Variants in SPRYD4 observed in about 807,000 individuals in gnomAD.
SPRYD4 encodes SPRY domain-containing protein 4.
SPRYD4 carries 12 observed loss-of-function variants against 16.6 expected under a neutral mutation model. That is an observed-to-expected ratio of 0.72 (90% CI 0.46 to 1.17). The LOEUF is 1.17. SPRYD4 is among the 50% of genes most tolerant of loss of function. SPRYD4 has a pLI of 0.00. For synonymous variants in SPRYD4, 98 were observed against 105.4 expected (o/e 0.93, Z 0.43); for missense variants, 260 against 260.2 (o/e 1.00, Z 0.00).
In SPRYD4 at chr12:56,474,986, G is replaced by A. The variant is rs1400810793; in HGVS notation, c.*5409G>A. ...TCAGCTGAAGCCCCCAACCCCTACT[G>A]CCCTTCCACTAGCAGCAGAATTCCC... On this transcript the variant is annotated 3_prime_UTR_variant, in exon 2 of 2. Transcript: ENST00000338146. 1 of 1,613,592 alleles carries A rather than the reference G, an allele frequency of 6.2e-7. No homozygotes were observed. The highest frequency in any genetic ancestry group is 8.5e-7 in the Non-Finnish European group (1 of 1,179,918).
In SPRYD4 at chr12:56,469,426, A is replaced by G; in HGVS notation, c.473A>G (p.Glu158Gly). The G allele has an allele frequency of 6.2e-7, 1 of 1,613,862 alleles. No homozygotes were observed. Among genetic ancestry groups the G allele is most frequent in the Admixed American group, 1.7e-5 (1 of 59,996 alleles). Residue 158 changes from glutamate (E) to glycine (G), a missense_variant, in exon 2 of 2, where the codon GAG (glutamate) becomes GGG (glycine). Coordinates refer to ENST00000338146, the MANE Select transcript of SPRYD4 (RefSeq NM_207344.4). ...PEKVGLLLEY[E>G]AQKLSLVDVS... ...AAGGTGGGGCTGTTGCTGGAGTATG[A>G]GGCCCAGAAGCTGAGCCTGGTGGAT...
rs1869597413 is a variant in SPRYD4, at chr12:56,474,353, A to C, written c.*4776A>C. On this transcript the variant is annotated 3_prime_UTR_variant, in exon 2 of 2. Transcript: ENST00000338146. ...ATCCACCTGCCTCGGCCTCCCAAAG[A>C]CATCTCTTTATATATTCGAGGAACT... 3.0e-6 allele frequency: 2 copies of C among 673,774 alleles called. No homozygotes were observed. The highest frequency in any genetic ancestry group is 3.6e-5 in the African/African-American group (2 of 55,074). The allele number at this position is 673,774 out of a possible 1,614,324, so 41.7% of individuals were successfully genotyped here.
chr12:56,472,525 T>TGTA lies in SPRYD4; in HGVS notation c.*2948_*2949insGTA. The stretch of plus-strand genomic sequence containing the variant: ...AATTATCATAGAGCAGACAGTTTAC[T>TGTA]TTTTTTAAAAAAAATCTCCTTTTTT... On this transcript the variant is annotated 3_prime_UTR_variant, in exon 2 of 2. Transcript: ENST00000338146. The TGTA allele has an allele frequency of 4.6e-6, 3 of 650,490 alleles. No homozygotes were observed. The South Asian group carries it at 5.9e-5, about 13-fold the overall frequency. 40.3% of individuals were successfully genotyped at this position (650,490 alleles called of 1,614,324 possible).
In SPRYD4 at chr12:56,475,152, G is replaced by C; in HGVS notation, c.*5575G>C. The stretch of plus-strand genomic sequence containing the variant: ...ATTTAGTACTTGAAGTTGGAGGAGT[G>C]GGTGTTGGGAGAAGGGGAAAAATTA... On this transcript the variant is annotated 3_prime_UTR_variant, in exon 2 of 2. Coordinates refer to ENST00000338146, the MANE Select transcript of SPRYD4 (RefSeq NM_207344.4). The C allele has an allele frequency of 1.2e-6, 2 of 1,612,696 alleles. No individual in the cohort carries two copies. Among genetic ancestry groups the C allele is most frequent in the South Asian group, 2.2e-5 (2 of 91,082 alleles).
In SPRYD4 at chr12:56,469,463, C is replaced by G. The variant is rs368891488; in HGVS notation, c.510C>G (p.Val170=). 1.2e-6 allele frequency: 2 copies of G among 1,613,978 alleles called. No individual in the cohort carries two copies. The highest frequency in any genetic ancestry group is 2.7e-5 in the African/African-American group (2 of 74,894). ...TGAGCCTGGTGGATGTGAGCCAGGT[C>G]TCTGTGGTTCACACGCTACAGACAG... ...QKLSLVDVSQ[V]SVVHTLQTDF... The change falls in exon 2 of 2, where the codon GTC becomes GTG. Residue 170 remains valine, a synonymous_variant. Coordinates refer to ENST00000338146, the MANE Select transcript of SPRYD4 (RefSeq NM_207344.4).
Position 56,475,714 on chromosome 12 carries a change from C to T in SPRYD4, c.*6137C>T, listed in dbSNP as rs1869748476. 2.5e-6 allele frequency: 4 copies of T among 1,612,444 alleles called. No individual in the cohort carries two copies. The highest frequency in any genetic ancestry group is 3.4e-6 in the Non-Finnish European group (4 of 1,178,632). On this transcript the variant is annotated 3_prime_UTR_variant, in exon 2 of 2. Transcript: ENST00000338146. ...GAGAAAAAGGGACATTGAGGCTCCA[C>T]TTGGTTAAGAAGCTCTATTAATACC...
Position 56,472,358 on chromosome 12 carries a change from T to C in SPRYD4, c.*2781T>C. On this transcript the variant is annotated 3_prime_UTR_variant, in exon 2 of 2. Transcript: ENST00000338146. ...TCTTTTTTCCATATCCAGATGAGACTGTTATACTCATATTAGAGAGATGGG... is the reference window on the plus strand; with the variant it reads ...TCTTTTTTCCATATCCAGATGAGACCGTTATACTCATATTAGAGAGATGGG... 6 of 635,552 alleles carry C rather than the reference T, an allele frequency of 9.4e-6. No individual in the cohort carries two copies. In the South Asian group the frequency reaches 1.1e-4, roughly 12 times the overall value. The allele number at this position is 635,552 out of a possible 1,614,324, so 39.4% of individuals were successfully genotyped here.
In SPRYD4 at chr12:56,477,795, G is replaced by C; in HGVS notation, c.*8218G>C. ...GACAGCCCGCTCACTTTGTGGGTTA[G>C]ACAAGAAAGACTGCTAGGGAGAAAG... On this transcript the variant is annotated 3_prime_UTR_variant, in exon 2 of 2. Coordinates refer to ENST00000338146, the MANE Select transcript of SPRYD4 (RefSeq NM_207344.4). 2 of 1,550,478 alleles carry C rather than the reference G, an allele frequency of 1.3e-6. No individual in the cohort carries two copies. Among genetic ancestry groups the C allele is most frequent in the Non-Finnish European group, 1.8e-6 (2 of 1,137,332 alleles).
Position 56,473,457 on chromosome 12 carries a change from T to TC in SPRYD4, c.*3881dup, listed in dbSNP as rs760805549. 3 of 1,609,972 alleles carry TC rather than the reference T, an allele frequency of 1.9e-6. No homozygotes were observed. The highest frequency in any genetic ancestry group is 2.7e-5 in the African/African-American group (2 of 74,748). ...AATAGTAAGTACTATATGCAAAGCA[T>TC]CTCACCTGGCAGAAGCTGGTCCCCC... is the stretch of plus-strand genomic sequence containing the variant. On this transcript the variant is annotated 3_prime_UTR_variant, in exon 2 of 2. Coordinates refer to ENST00000338146, the MANE Select transcript of SPRYD4 (RefSeq NM_207344.4).
chr12:56,474,587 T>C lies in SPRYD4; in HGVS notation c.*5010T>C. On this transcript the variant is annotated 3_prime_UTR_variant, in exon 2 of 2. Transcript: ENST00000338146. ...AGAGAAGTCATACATGCCGCAGGAA[T>C]GCATGAGGCTGAGGGTGTTGCGCAC... The C allele has an allele frequency of 6.2e-7, 1 of 1,614,198 alleles. No homozygotes were observed. The highest frequency in any genetic ancestry group is 8.5e-7 in the Non-Finnish European group (1 of 1,180,042).
In SPRYD4 at chr12:56,477,872, G is replaced by T. The variant is rs770054122; in HGVS notation, c.*8295G>T. Reference sequence around the variant, plus strand: ...AGAGAAACAAAAAAGGCTGGGAGATGGGGTGGGGATAAGGAGAAGGGGACA... The same window carrying T: ...AGAGAAACAAAAAAGGCTGGGAGATTGGGTGGGGATAAGGAGAAGGGGACA... On this transcript the variant is annotated 3_prime_UTR_variant, in exon 2 of 2. Transcript: ENST00000338146. The T allele has an allele frequency of 1.9e-4, 290 of 1,567,492 alleles. 1 individual carries two copies. The highest frequency in any genetic ancestry group is 1.3e-4 in the Non-Finnish European group (145 of 1,152,672).
At position 56,479,617 on chromosome 12, in the gene SPRYD4, T is replaced by C; in HGVS notation, c.*10040T>C. 1 of 801,056 alleles carries C rather than the reference T, an allele frequency of 1.2e-6. No individual in the cohort carries two copies. The highest frequency in any genetic ancestry group is 1.8e-6 in the Non-Finnish European group (1 of 560,212). The allele number at this position is 801,056 out of a possible 1,614,324, so 49.6% of individuals were successfully genotyped here. ...GAAAGGAGAACATGTATTTCTATAT[T>C]GTTTGAACTCTTATGATGAGTATTC... On this transcript the variant is annotated 3_prime_UTR_variant, in exon 2 of 2. Coordinates refer to ENST00000338146, the MANE Select transcript of SPRYD4 (RefSeq NM_207344.4).
rs1869883698 is a variant in SPRYD4, at chr12:56,476,960, T to G, written c.*7383T>G. ...ATGAGGCAGGTCCCAGATACAGGTTTGTAGATGGAGCCATCACAGAACAAG... is the reference window on the plus strand; with the variant it reads ...ATGAGGCAGGTCCCAGATACAGGTTGGTAGATGGAGCCATCACAGAACAAG... On this transcript the variant is annotated 3_prime_UTR_variant, in exon 2 of 2. Coordinates refer to ENST00000338146, the MANE Select transcript of SPRYD4 (RefSeq NM_207344.4). 1 of 152,244 alleles carries G rather than the reference T, an allele frequency of 6.6e-6. No individual in the cohort carries two copies. The highest frequency in any genetic ancestry group is 2.4e-5 in the African/African-American group (1 of 41,438). 9.4% of individuals were successfully genotyped at this position (152,244 alleles called of 1,614,324 possible). A position where few individuals can be genotyped will look rare whatever the true frequency, so the allele number is the denominator to read the frequency against.
rs1251376672 is a variant in SPRYD4 at position 56,471,597 on chromosome 12, C to G, written c.*2020C>G. 1 of 1,614,068 alleles carries G rather than the reference C, an allele frequency of 6.2e-7. No homozygotes were observed. Among genetic ancestry groups the G allele is most frequent in the East Asian group, 2.2e-5 (1 of 44,882 alleles). On this transcript the variant is annotated 3_prime_UTR_variant, in exon 2 of 2. Transcript: ENST00000338146. ...TAATCTTGAAGCAGTTTGACCACCT[C>G]CAGATGGTTGAACTGCACAGCATCA... is the stretch of plus-strand genomic sequence containing the variant.
rs1389636294 is a variant in SPRYD4 at position 56,471,755 on chromosome 12, T to C, written c.*2178T>C. 6.2e-7 allele frequency: 1 copy of C among 1,614,036 alleles called. No individual in the cohort carries two copies. The highest frequency in any genetic ancestry group is 2.2e-5 in the East Asian group (1 of 44,872). ...AGAAGCTGTGCCCACCCTCCTCCAC[T>C]TTTAGCCTATTCCTCACCTGTCCTT... On this transcript the variant is annotated 3_prime_UTR_variant, in exon 2 of 2. Transcript: ENST00000338146.
In SPRYD4 at chr12:56,475,323, CA is replaced by C; in HGVS notation, c.*5749del. 1 of 1,276,208 alleles carries C rather than the reference CA, an allele frequency of 7.8e-7. No individual in the cohort carries two copies. The highest frequency in any genetic ancestry group is 1.1e-6 in the Non-Finnish European group (1 of 941,422). The allele number at this position is 1,276,208 out of a possible 1,614,324, so 79.1% of individuals were successfully genotyped here. ...TAAAGTAAACCCAAACCAAACACCCCAAACTGTCTAGTCATCTAGGAAAACT... is the reference window on the plus strand; with the variant it reads ...TAAAGTAAACCCAAACCAAACACCCCAACTGTCTAGTCATCTAGGAAAACT... On this transcript the variant is annotated 3_prime_UTR_variant, in exon 2 of 2. Transcript: ENST00000338146.
chr12:56,473,779 C>T lies in SPRYD4; in HGVS notation c.*4202C>T, dbSNP rs145174304. ...TTTCCTTCCCTTAAATTCATTGATT[C>T]AGCTAGAAAATATTTTTTGAAATAC... On this transcript the variant is annotated 3_prime_UTR_variant, in exon 2 of 2. Coordinates refer to ENST00000338146, the MANE Select transcript of SPRYD4 (RefSeq NM_207344.4). 5 of 665,440 alleles carry T rather than the reference C, an allele frequency of 7.5e-6. No individual in the cohort carries two copies. The highest frequency in any genetic ancestry group is 7.3e-5 in the African/African-American group (4 of 54,486). The allele number at this position is 665,440 out of a possible 1,614,324, so 41.2% of individuals were successfully genotyped here. A position where few individuals can be genotyped will look rare whatever the true frequency, so the allele number is the denominator to read the frequency against.
In SPRYD4 at chr12:56,472,001, T is replaced by C. The variant is rs1276805000; in HGVS notation, c.*2424T>C. 1.9e-5 allele frequency: 25 copies of C among 1,293,062 alleles called. No homozygotes were observed. Among genetic ancestry groups the C allele is most frequent in the Non-Finnish European group, 2.7e-5 (24 of 901,732 alleles). 80.1% of individuals were successfully genotyped at this position (1,293,062 alleles called of 1,614,324 possible). On this transcript the variant is annotated 3_prime_UTR_variant, in exon 2 of 2. Coordinates refer to ENST00000338146, the MANE Select transcript of SPRYD4 (RefSeq NM_207344.4). ...GTCTAGCTGCAAACCGAAGGGTGTC[T>C]AGATAAAACTAGTTGCTGCCCCTAT...
At position 56,478,061 on chromosome 12, in the gene SPRYD4, A is replaced by C; in HGVS notation, c.*8484A>C. ...GGTGAGGGGCTTCACACAGGACTGC[A>C]GGCAGAAGGGGATCTTTGTGTGGCC... On this transcript the variant is annotated 3_prime_UTR_variant, in exon 2 of 2. Coordinates refer to ENST00000338146, the MANE Select transcript of SPRYD4 (RefSeq NM_207344.4). The C allele has an allele frequency of 1.2e-6, 2 of 1,614,202 alleles. No individual in the cohort carries two copies. The highest frequency in any genetic ancestry group is 2.2e-5 in the South Asian group (2 of 91,086).
Sources: gnomAD v4.1 joint callset for allele counts on GRCh38, gnomAD v4.1.1 for gene constraint, MANE v1.5 for transcripts, NCBI Gene and HGNC (gene_info 2026-07-23, HGNC 2026-07-21) for gene names.